The following MICU3 variants were observed in gnomAD, a reference collection of about 807,000 sequenced individuals.
MICU3 encodes mitochondrial calcium uptake 3, also known as calcium uptake protein 3, mitochondrial.
Under a neutral mutation model 66.5 loss-of-function variants are expected in MICU3, and 62 were observed. The observed-to-expected ratio is 0.93, with a 90% CI of 0.76 to 1.15. The LOEUF is 1.15. Among genes scored for constraint, MICU3 ranks in the 50% most tolerant of loss-of-function variants. The pLI is 0.00. For missense variants in MICU3, 779 were observed against 664.4 expected, an observed-to-expected ratio of 1.17 and a Z score of -1.90; for synonymous variants, 308 against 240.7, an observed-to-expected ratio of 1.28 and a Z score of -2.59.
rs555087197 is a variant in MICU3, at chr8:17,053,093, A to C, written c.382-10991A>C. On this transcript the variant is annotated intron_variant, in intron 1 of 14. Transcript: ENST00000318063. ...ATGTGTCTTAAAGAAACTAATAAGGATGAGTAATCTAAATAATATTGGTGA... is the reference window on the plus strand; with the variant it reads ...ATGTGTCTTAAAGAAACTAATAAGGCTGAGTAATCTAAATAATATTGGTGA... 6.2e-4 allele frequency among the ~76,000 whole-genome samples: 95 copies of C among 152,288 alleles called. No homozygotes were observed. The South Asian group carries it at 9.1e-3, about 15-fold the overall frequency.
chr8:17,029,658 T>G (rs1293070045), intron 1 of MICU3, among the ~76,000 whole-genome samples: 1 of 152,158 alleles, frequency 6.6e-6, no homozygotes, highest in East Asian at 1.9e-4. Context: ...TGTATTTCCC[T>G]CTCTGAAAAC....
chr8:17,096,210 G>T (rs991212867), intron 8 of MICU3, among the ~76,000 whole-genome samples: 3 of 151,860 alleles, frequency 2.0e-5, no homozygotes, highest in Non-Finnish European at 4.4e-5. Flanking sequence ...CCATCAAAGT[G>T]TCCAGTTACA....
intron 4 of MICU3, among the ~76,000 whole-genome samples, chr8:17,078,380 C>T (rs1820697089): frequency 6.6e-6 from 1 of 152,008 alleles, no homozygotes; most frequent in Admixed American, 6.6e-5. Flanking sequence ...TTTCAACTTA[C>T]TCTATTATCA....
intron 3 of MICU3, among the ~76,000 whole-genome samples, chr8:17,073,250 G>T (rs527611582): frequency 6.6e-6 from 1 of 152,068 alleles, no homozygotes; most frequent in Non-Finnish European, 1.5e-5. Flanking sequence ...CCCCCTTCCC[G>T]TGAAGCTTCG....
chr8:17,103,897 GGTTAAA>G (rs1209463616), intron 9 of MICU3, among the ~76,000 whole-genome samples: 2 of 151,764 alleles, frequency 1.3e-5, no homozygotes, highest in African/African-American at 4.8e-5. Context: ...GGAATACAGT[GGTTAAA>G]GGAAGCTGTT....
chr8:17,029,978 G>C (rs1811735010), intron 1 of MICU3, among the ~76,000 whole-genome samples: 2 of 152,080 alleles, frequency 1.3e-5, no homozygotes, highest in East Asian at 3.8e-4. Context: ...TTTTATAGCA[G>C]ATATCCTGGG....
chr8:17,044,171 G>T (rs886174279), intron 1 of MICU3, among the ~76,000 whole-genome samples: 2 of 152,298 alleles, frequency 1.3e-5, no homozygotes, highest in Non-Finnish European at 2.9e-5. Context: ...AGATTGGGTT[G>T]AACATTGATG....
intron 3 of MICU3, among the ~76,000 whole-genome samples, chr8:17,070,607 A>G (rs940717609): frequency 1.3e-5 from 2 of 151,426 alleles, no homozygotes; most frequent in African/African-American, 4.8e-5. Flanking sequence ...TTTAAATTGC[A>G]TATATATTCC....
At chr8:17,115,332 A>C (rs531068647) in intron 12 of MICU3, among the ~76,000 whole-genome samples, 2 of 152,234 alleles carry the variant, frequency 1.3e-5, no homozygotes, top group Non-Finnish European at 2.9e-5. Flanking sequence ...AATATGGCAT[A>C]TTCTCAACCC....
chr8:17,069,246 A>C (rs543939698), intron 2 of MICU3, among the ~76,000 whole-genome samples: 1 of 152,236 alleles, frequency 6.6e-6, no homozygotes, highest in South Asian at 2.1e-4. Flanking sequence ...CTGACCTGTG[A>C]ATTACGTCAT....
chr8:17,091,320 A>G (rs1800029072), intron 8 of MICU3, among the ~76,000 whole-genome samples: 2 of 152,016 alleles, frequency 1.3e-5, no homozygotes, highest in South Asian at 4.1e-4. Flanking sequence ...TTTTGAATGT[A>G]AACATGTGCA....
downstream of MICU3, among the ~76,000 whole-genome samples, chr8:17,124,382 A>G (rs1361442496): frequency 3.9e-5 from 6 of 152,166 alleles, no homozygotes; most frequent in African/African-American, 9.7e-5. Context: ...TTTAGTTATA[A>G]TTAACTTCTC....
chr8:17,032,051 A>C (rs749371026), intron 1 of MICU3, among the ~76,000 whole-genome samples: 1 of 152,250 alleles, frequency 6.6e-6, no homozygotes, highest in Non-Finnish European at 1.5e-5. Flanking sequence ...GTATTTGTTG[A>C]ATAAATAAGC....
chr8:17,049,525 T>A, intron 1 of MICU3: 1 of 501,542 alleles, frequency 2.0e-6, no homozygotes, highest in Non-Finnish European at 4.0e-6. Flanking sequence ...TATTTGTCCA[T>A]TTTATAGTTG....
chr8:17,085,110 A>G, intron 5 of MICU3, 126 bp from the exon 6 acceptor site: 1 of 521,428 alleles, frequency 1.9e-6, no homozygotes, highest in Admixed American at 3.2e-5. Flanking sequence ...AAATATATAT[A>G]CTTTTATACG....
At chr8:17,133,046 T>C in the MICU3 span, 2 of 152,236 alleles carry the variant, frequency 1.3e-5, no homozygotes, top group Admixed American at 1.3e-4. Context: ...CTGCTTGATC[T>C]GGGACTTCCC....
the MICU3 span, chr8:17,134,087 C>T: frequency 6.6e-6 from 1 of 152,076 alleles, no homozygotes; most frequent in African/African-American, 2.4e-5. Context: ...TTTATTTACT[C>T]ACTTTAAAAT....
downstream of MICU3, among the ~76,000 whole-genome samples, chr8:17,125,129 G>GTATAGCCTGTAATATAGCCTGTAA (rs71212676): frequency 6.6e-6 from 1 of 150,742 alleles, no homozygotes; most frequent in Non-Finnish European, 1.5e-5. Context: ...TCTCCTATGA[G>GTATAGCCTGTAATATAGCCTGTAA]TATAGCCTGT....
downstream of MICU3, among the ~76,000 whole-genome samples, chr8:17,127,117 T>C (rs1413600368): frequency 6.6e-6 from 1 of 152,306 alleles, no homozygotes; most frequent in Admixed American, 6.5e-5. Flanking sequence ...TAAAGATATT[T>C]TGAGTGTATG....
Sources: allele counts gnomAD v4.1 joint callset (sites outside exome capture counted in the v4.1 genomes callset), GRCh38; gene constraint gnomAD v4.1.1; transcripts MANE v1.5; gene names NCBI Gene and HGNC (gene_info 2026-07-23, HGNC 2026-07-21).